The following HECW1 variants were observed in gnomAD, a reference collection of about 807,000 sequenced individuals.
HECW1 encodes the protein E3 ubiquitin-protein ligase HECW1.
A neutral mutation model predicts 182.3 loss-of-function variants in HECW1; 61 were observed. The observed-to-expected ratio is 0.33, with a 90% CI of 0.27 to 0.41. The LOEUF (loss-of-function observed/expected upper bound fraction) is 0.41, where lower values mean the gene tolerates loss of function less well. Among genes scored for constraint, HECW1 ranks in the 10% least tolerant of loss-of-function variants. HECW1 has a pLI of 1.00. For missense variants in HECW1, 1,739 were observed against 2,108.9 expected, an observed-to-expected ratio of 0.82 and a Z score of 3.44; for synonymous variants, 859 against 832.6, an observed-to-expected ratio of 1.03 and a Z score of -0.55.
At chr7:43,169,312 T>C (rs923001595) in intron 2 of HECW1, among the ~76,000 whole-genome samples, 7 of 152,192 alleles carry the variant, frequency 4.6e-5, no homozygotes, top group African/African-American at 1.7e-4. Context: ...CTGGACACTT[T>C]ATTGTCATGG....
intron 24 of HECW1, among the ~76,000 whole-genome samples, chr7:43,533,992 C>A (rs1000808826): frequency 1.3e-5 from 2 of 152,130 alleles, no homozygotes; most frequent in Non-Finnish European, 2.9e-5. Flanking sequence ...AAGCAGGAGA[C>A]CCCTTGAATC....
At chr7:43,526,720 G>A (rs928807982) in intron 24 of HECW1, among the ~76,000 whole-genome samples, 9 of 152,174 alleles carry the variant, frequency 5.9e-5, no homozygotes, top group Admixed American at 1.3e-4. Flanking sequence ...ATATAGCAGG[G>A]CCAGGTGCAG....
intron 2 of HECW1, among the ~76,000 whole-genome samples, chr7:43,169,016 C>G (rs1168590016): frequency 2.0e-5 from 3 of 152,110 alleles, no homozygotes; most frequent in Non-Finnish European, 2.9e-5. Flanking sequence ...TTACTTTTAC[C>G]TGTAGTATTT....
At chr7:43,247,932 A>G (rs1799577119) in intron 3 of HECW1, among the ~76,000 whole-genome samples, 2 of 117,112 alleles carry the variant, frequency 1.7e-5, no homozygotes, top group African/African-American at 1.0e-4. Context: ...AAAGAGGAAA[A>G]AAGAGAGAGA....
At chr7:43,483,547 C>G (rs1226838771) in intron 17 of HECW1, among the ~76,000 whole-genome samples, 3 of 119,048 alleles carry the variant, frequency 2.5e-5, no homozygotes, top group African/African-American at 9.1e-5. Context: ...CATGCAAACT[C>G]TTTTTTTTTT....
At chr7:43,273,532 A>C (rs1026207016) in intron 3 of HECW1, among the ~76,000 whole-genome samples, 6 of 152,192 alleles carry the variant, frequency 3.9e-5, no homozygotes, top group African/African-American at 1.4e-4. Flanking sequence ...TTTGAAAAAA[A>C]CTTTAAGATA....
intron 21 of HECW1, among the ~76,000 whole-genome samples, chr7:43,501,836 A>AT (rs2079373510): frequency 6.6e-6 from 1 of 152,188 alleles, no homozygotes; most frequent in Non-Finnish European, 1.5e-5. Context: ...ATCTAAAAAA[A>AT]AATAAAAAAG....
chr7:43,162,242 C>T (rs1487950423), intron 2 of HECW1, among the ~76,000 whole-genome samples: 2 of 152,232 alleles, frequency 1.3e-5, no homozygotes, highest in Admixed American at 6.5e-5. Context: ...TAACAAATTA[C>T]GACAAACTTG....
At chr7:43,306,067 G>C (rs1394204850) in intron 3 of HECW1, among the ~76,000 whole-genome samples, 2 of 151,774 alleles carry the variant, frequency 1.3e-5, no homozygotes, top group African/African-American at 4.8e-5. Flanking sequence ...GCCTAATTTT[G>C]TGTATTTGTA....
chr7:43,114,376 G>A lies in HECW1; in HGVS notation c.-47G>A, dbSNP rs974505250. On this transcript the variant is annotated 5_prime_UTR_variant, in exon 2 of 30. Transcript: ENST00000395891. ...CGTTTCTCATCAGCAGACTCACTCC[G>A]GCTGTGGCTATTACGGTAATTCATT... 1.0e-5 allele frequency: 14 copies of A among 1,351,602 alleles called. No individual in the cohort carries two copies. The East Asian group carries it at 3.7e-4, about 35-fold the overall frequency. The allele number at this position is 1,351,602 out of a possible 1,614,324, so 83.7% of individuals were successfully genotyped here. A position where few individuals can be genotyped will look rare whatever the true frequency, so the allele number is the denominator to read the frequency against.
intron 6 of HECW1, among the ~76,000 whole-genome samples, chr7:43,366,707 T>C (rs1816699284): frequency 6.6e-6 from 1 of 152,202 alleles, no homozygotes; most frequent in African/African-American, 2.4e-5. Flanking sequence ...TCTTCAATAT[T>C]GGGGTGAAGG....
At chr7:43,121,341 A>T (rs1461103674) in intron 2 of HECW1, among the ~76,000 whole-genome samples, 1 of 152,158 alleles carries the variant, frequency 6.6e-6, no homozygotes, top group African/African-American at 2.4e-5. Context: ...TGAGCCTGTC[A>T]GTCCTGTGTT....
chr7:43,324,355 A>T (rs1404510534), intron 5 of HECW1, among the ~76,000 whole-genome samples: 1 of 152,250 alleles, frequency 6.6e-6, no homozygotes, highest in Non-Finnish European at 1.5e-5. Context: ...AAATAAAATA[A>T]GATGCTATAA....
At chr7:43,416,383 G>A (rs376819528) in intron 8 of HECW1, among the ~76,000 whole-genome samples, 1 of 150,904 alleles carries the variant, frequency 6.6e-6, no homozygotes, top group African/African-American at 2.4e-5. Flanking sequence ...GCAGTCTGCC[G>A]GTTCTCAGAT....
intron 2 of HECW1, among the ~76,000 whole-genome samples, chr7:43,205,400 G>C (rs1795374147): frequency 6.6e-6 from 1 of 152,166 alleles, no homozygotes; most frequent in Admixed American, 6.5e-5. Context: ...CATTTTAAGG[G>C]GGCTGGAATT....
intron 3 of HECW1, among the ~76,000 whole-genome samples, chr7:43,271,793 C>A (rs1241434278): frequency 6.6e-6 from 1 of 152,018 alleles, no homozygotes; most frequent in Non-Finnish European, 1.5e-5. Flanking sequence ...TCCACAGATA[C>A]AACACTATTC....
Position 43,320,723 on chromosome 7 carries a change from C to T in HECW1, c.441C>T (p.Ala147=). Residue 147 remains alanine, a synonymous_variant, in exon 5 of 30, where the codon GCC becomes GCT. Coordinates refer to ENST00000395891, the MANE Select transcript of HECW1 (RefSeq NM_015052.5). ...HRGQIIWKID[A]SSYFVEPETK... ...GCCAGATCATCTGGAAGATCGATGC[C>T]AGCTCGTACTTTGTGGAACGTGAGT... 1 of 1,613,668 alleles carries T rather than the reference C, an allele frequency of 6.2e-7. No homozygotes were observed. The highest frequency in any genetic ancestry group is 8.5e-7 in the Non-Finnish European group (1 of 1,179,572).
chr7:43,204,699 G>T (rs1397212787), intron 2 of HECW1, among the ~76,000 whole-genome samples: 1 of 152,196 alleles, frequency 6.6e-6, no homozygotes, highest in African/African-American at 2.4e-5. Context: ...GACAAAGGTG[G>T]TATGTGCTAA....
At chr7:43,554,905 T>G in intron 29 of HECW1, 115 bp downstream of exon 29, 3 of 929,768 alleles carry the variant, frequency 3.2e-6, no homozygotes, top group Non-Finnish European at 4.9e-6. Flanking sequence ...TCACCCAAAG[T>G]ATTGTCATTG....
Sources: gnomAD v4.1 joint callset for allele counts (sites outside exome capture counted in the v4.1 genomes callset) on GRCh38, gnomAD v4.1.1 for gene constraint, MANE v1.5 for transcripts, NCBI Gene and HGNC (gene_info 2026-07-23, HGNC 2026-07-21) for gene names.